NRG1: variants seen among roughly 807,000 people sequenced by gnomAD.
The protein encoded by NRG1 is pro-neuregulin-1, membrane-bound isoform.
NRG1 carries 18 observed loss-of-function variants against 63.8 expected under a neutral mutation model. That is an observed-to-expected ratio of 0.28 (90% CI 0.19 to 0.42). NRG1 has a LOEUF of 0.42. NRG1 is among the 10% of genes least tolerant of loss of function. NRG1 has a pLI of 1.00. For synonymous variants in NRG1, 302 were observed against 301.3 expected, an observed-to-expected ratio of 1.00 and a Z score of -0.02; for missense variants, 762 against 814.7, an observed-to-expected ratio of 0.94 and a Z score of 0.79.
chr8:31,999,297 G>T (rs1359279698), intron 1 of NRG1, among the ~76,000 whole-genome samples: 2 of 151,810 alleles, frequency 1.3e-5, no homozygotes, highest in East Asian at 3.9e-4. Context: ...AATGATTTTT[G>T]TTTATAATTC....
At chr8:32,620,859 A>C (rs1848223918) in intron 5 of NRG1, among the ~76,000 whole-genome samples, 1 of 151,948 alleles carries the variant, frequency 6.6e-6, no homozygotes, top group Non-Finnish European at 1.5e-5. Flanking sequence ...AAAGAAAGAA[A>C]AAGAAAAAAA....
intron 1 of NRG1, among the ~76,000 whole-genome samples, chr8:32,368,046 C>A (rs1049273571): frequency 1.3e-5 from 2 of 152,100 alleles, no homozygotes; most frequent in African/African-American, 4.8e-5. Flanking sequence ...GTTTAAACAC[C>A]AATACCATGC....
intron 1 of NRG1, among the ~76,000 whole-genome samples, chr8:32,025,488 G>A (rs1433835847): frequency 2.6e-5 from 4 of 151,996 alleles, no homozygotes; most frequent in African/African-American, 9.7e-5. Context: ...TTTAACAGAA[G>A]GTTAAAACTG....
chr8:32,622,382 C>T (rs1848489932), intron 5 of NRG1, among the ~76,000 whole-genome samples: 1 of 152,068 alleles, frequency 6.6e-6, no homozygotes, highest in Admixed American at 6.6e-5. Context: ...CTCCTCTCCT[C>T]TCCTCTTCTT....
At chr8:32,570,336 C>T (rs943508489) in intron 1 of NRG1, among the ~76,000 whole-genome samples, 1 of 152,000 alleles carries the variant, frequency 6.6e-6, no homozygotes, top group Admixed American at 6.6e-5. Context: ...TATTAAGTAC[C>T]TAATACATTC....
chr8:32,317,947 T>G (rs1800956003), intron 1 of NRG1, among the ~76,000 whole-genome samples: 1 of 152,136 alleles, frequency 6.6e-6, no homozygotes, highest in Non-Finnish European at 1.5e-5. Context: ...GCTTAGGGAC[T>G]GCCCTCTCTT....
intron 1 of NRG1, among the ~76,000 whole-genome samples, chr8:31,768,617 A>G (rs1237653345): frequency 6.6e-6 from 1 of 152,146 alleles, no homozygotes. Flanking sequence ...CAGATCCAAC[A>G]CATACTAACC....
At chr8:31,753,282 T>C (rs552569214) in intron 1 of NRG1, among the ~76,000 whole-genome samples, 29 of 152,148 alleles carry the variant, frequency 1.9e-4, no homozygotes, top group African/African-American at 6.7e-4. Context: ...AGGGCTTTAA[T>C]TATATTTAAA....
chr8:32,132,999 C>A (rs906484117), intron 1 of NRG1, among the ~76,000 whole-genome samples: 3 of 151,698 alleles, frequency 2.0e-5, no homozygotes, highest in African/African-American at 7.3e-5. Context: ...TCCCACTCCT[C>A]CCCCCTTTCC....
At chr8:32,520,987 C>T (rs1830283660) in intron 1 of NRG1, among the ~76,000 whole-genome samples, 2 of 152,114 alleles carry the variant, frequency 1.3e-5, no homozygotes, top group South Asian at 2.1e-4. Context: ...GTAATCATAG[C>T]CCCAAAGTAC....
chr8:32,273,174 C>T (rs982197662), intron 1 of NRG1, among the ~76,000 whole-genome samples: 1 of 152,178 alleles, frequency 6.6e-6, no homozygotes, highest in Non-Finnish European at 1.5e-5. Flanking sequence ...ACATTCTTTG[C>T]TATGAGTTGC....
intron 1 of NRG1, among the ~76,000 whole-genome samples, chr8:32,434,164 G>A (rs1042836159): frequency 1.4e-4 from 21 of 150,148 alleles, no homozygotes; most frequent in East Asian, 9.9e-4. Flanking sequence ...CCAGCCTGGC[G>A]ACAGAATGAG....
At chr8:31,942,422 A>C (rs1265101820) in intron 1 of NRG1, among the ~76,000 whole-genome samples, 1 of 152,220 alleles carries the variant, frequency 6.6e-6, no homozygotes, top group Non-Finnish European at 1.5e-5. Context: ...AAGATGTGAA[A>C]CCATAAAGAT....
chr8:31,790,110 G>C (rs906715204), intron 1 of NRG1, among the ~76,000 whole-genome samples: 2 of 152,198 alleles, frequency 1.3e-5, no homozygotes, highest in African/African-American at 4.8e-5. Context: ...GTGGTAAAGA[G>C]AGTACATTGC....
chr8:32,704,522 G>A (rs911663140), intron 5 of NRG1, among the ~76,000 whole-genome samples: 10 of 152,086 alleles, frequency 6.6e-5, no homozygotes, highest in Admixed American at 1.3e-4. Flanking sequence ...TGGAACAACC[G>A]TAAGATAAAC....
At chr8:31,951,143 TAA>T (rs1187515716) in intron 1 of NRG1, among the ~76,000 whole-genome samples, 1 of 152,194 alleles carries the variant, frequency 6.6e-6, no homozygotes, top group Non-Finnish European at 1.5e-5. Context: ...GTTCTAAAAA[TAA>T]AAGAGTTCCA....
At position 32,463,466 on chromosome 8, in the gene NRG1, T is replaced by G. The variant is rs192739858; in HGVS notation, c.38-132362T>G. ...TACACTCTCACCAACACTTGTTATC[T>G]CTTGACTTTTTTATACGAGTCAGTG... On this transcript the variant is annotated intron_variant, in intron 1 of 10. Coordinates refer to the NRG1 transcript ENST00000519301. Among the ~76,000 whole-genome samples the G allele has an allele frequency of 1.6e-3, 245 of 152,364 alleles. 1 individual carries two copies. Among genetic ancestry groups the G allele is most frequent in the Non-Finnish European group, 2.5e-3 (172 of 68,040 alleles).
At chr8:31,903,033 G>A (rs1162584938) in intron 1 of NRG1, among the ~76,000 whole-genome samples, 4 of 152,020 alleles carry the variant, frequency 2.6e-5, no homozygotes, top group Non-Finnish European at 4.4e-5. Flanking sequence ...CCCATGTAGA[G>A]AAATCACATG....
intron 1 of NRG1, among the ~76,000 whole-genome samples, chr8:31,694,293 T>C (rs749510235): frequency 3.3e-5 from 5 of 152,214 alleles, no homozygotes; most frequent in Non-Finnish European, 5.9e-5. Flanking sequence ...TCGACACGGG[T>C]TCACCTTCTG....
Sources: gnomAD v4.1 joint callset for allele counts (sites outside exome capture counted in the v4.1 genomes callset) on GRCh38, gnomAD v4.1.1 for gene constraint, MANE v1.5 for transcripts, NCBI Gene and HGNC (gene_info 2026-07-23, HGNC 2026-07-21) for gene names.